The following MAF variants were observed in gnomAD, a reference collection of about 807,000 sequenced individuals.
The protein encoded by MAF is transcription factor Maf.
Under a neutral mutation model 22.0 loss-of-function variants are expected in MAF, and 10 were observed. That is an observed-to-expected ratio of 0.45 (90% CI 0.28 to 0.77). MAF has a LOEUF of 0.77. Among genes scored for constraint, MAF ranks in the 30% least tolerant of loss-of-function variants. MAF has a pLI of 0.12. For missense variants in MAF, 544 were observed against 548.4 expected (o/e 0.99, Z 0.08); for synonymous variants, 337 against 255.8 (o/e 1.32, Z -3.03).
the MAF span, among the ~76,000 whole-genome samples, chr16:79,550,587 G>T: frequency 2.0e-4 from 31 of 152,290 alleles, no homozygotes; most frequent in African/African-American, 7.5e-4. Context: ...GAGAGAAAAT[G>T]AAGTCAAGGG....
At chr16:79,457,421 C>T in the MAF span, among the ~76,000 whole-genome samples, 42 of 142,314 alleles carry the variant, frequency 3.0e-4, 1 homozygote, top group Middle Eastern at 4.0e-3. Context: ...TGATCCCATT[C>T]GGACAATGTT....
At chr16:79,323,905 C>T in the MAF span, among the ~76,000 whole-genome samples, 4 of 152,070 alleles carry the variant, frequency 2.6e-5, no homozygotes, top group Non-Finnish European at 2.9e-5. Context: ...TTGCCTACGG[C>T]GGGGTCAGAG....
At chr16:79,336,913 G>T in the MAF span, among the ~76,000 whole-genome samples, 1 of 152,174 alleles carries the variant, frequency 6.6e-6, no homozygotes, top group East Asian at 1.9e-4. Context: ...AGTGCCTGGG[G>T]TGTACAAGAC....
the MAF span, among the ~76,000 whole-genome samples, chr16:79,538,438 TA>T: frequency 6.6e-6 from 1 of 152,110 alleles, no homozygotes; most frequent in Non-Finnish European, 1.5e-5. Flanking sequence ...ATGTCCGATA[TA>T]AAAACCATAA....
At chr16:79,430,128 C>G in the MAF span, among the ~76,000 whole-genome samples, 1 of 152,202 alleles carries the variant, frequency 6.6e-6, no homozygotes, top group Non-Finnish European at 1.5e-5. Context: ...CGCTTCAGCT[C>G]TCCACTCACT....
rs764041224 is a variant in MAF at position 79,599,160 on chromosome 16, G to A, written c.743C>T (p.Pro248Leu). Residue 248 changes from proline (P) to leucine (L), a missense_variant, in exon 1 of 2, where the codon CCG becomes CTG. Around this residue, in one of 5 missense-constraint regions of MAF, gnomAD observed 342 missense variants for 315.5 expected, o/e 1.08. Transcript: ENST00000326043. The part of the protein sequence containing the change: ...GAAGAGGALH[P>L]HHAAGGLHFD... ...GTGCAGGCCGCCGGCGGCGTGGTGC[G>A]GGTGCAGGGCGCCCCCCGCCCCCGC... 3 of 1,515,930 alleles carry A rather than the reference G, an allele frequency of 2.0e-6. No homozygotes were observed. Among genetic ancestry groups the A allele is most frequent in the African/African-American group, 1.4e-5 (1 of 72,342 alleles). 93.9% of individuals were successfully genotyped at this position (1,515,930 alleles called of 1,614,324 possible). A position where few individuals can be genotyped will look rare whatever the true frequency, so the allele number is the denominator to read the frequency against.
chr16:79,234,989 G>C, the MAF span, among the ~76,000 whole-genome samples: 1 of 151,916 alleles, frequency 6.6e-6, no homozygotes, highest in Non-Finnish European at 1.5e-5. Flanking sequence ...GGAAGACAGA[G>C]ACACATCCAG....
the MAF span, among the ~76,000 whole-genome samples, chr16:79,260,445 C>G: frequency 1.5e-5 from 2 of 136,298 alleles, no homozygotes; most frequent in African/African-American, 2.7e-5. Context: ...AGCCACCATG[C>G]CTGGCTCATG....
the MAF span, among the ~76,000 whole-genome samples, chr16:79,387,214 C>A: frequency 2.0e-5 from 3 of 152,204 alleles, no homozygotes; most frequent in Non-Finnish European, 1.5e-5. Flanking sequence ...TGGTGCCCTC[C>A]ATGAAGGGGG....
chr16:79,528,159 G>T, the MAF span, among the ~76,000 whole-genome samples: 1 of 152,112 alleles, frequency 6.6e-6, no homozygotes, highest in African/African-American at 2.4e-5. Flanking sequence ...AGCATGGAGT[G>T]AATTTAAGGA....
the MAF span, among the ~76,000 whole-genome samples, chr16:79,350,327 T>C: frequency 6.6e-6 from 1 of 152,108 alleles, no homozygotes; most frequent in African/African-American, 2.4e-5. Flanking sequence ...TATAGAACAA[T>C]CCTTGACCTT....
the MAF span, among the ~76,000 whole-genome samples, chr16:79,545,140 T>C: frequency 3.3e-5 from 5 of 152,304 alleles, no homozygotes; most frequent in South Asian, 8.3e-4. Context: ...CTCAGAATCT[T>C]TCCCTCCATG....
At chr16:79,317,718 CCTT>C in the MAF span, among the ~76,000 whole-genome samples, 1 of 152,150 alleles carries the variant, frequency 6.6e-6, no homozygotes, top group African/African-American at 2.4e-5. Flanking sequence ...TCTCAGCTGT[CCTT>C]GCCCCACATT....
At chr16:79,261,663 T>A in the MAF span, among the ~76,000 whole-genome samples, 1 of 152,194 alleles carries the variant, frequency 6.6e-6, no homozygotes, top group Non-Finnish European at 1.5e-5. Context: ...CTGCCCCGCC[T>A]GTCAGGCTGG....
the MAF span, among the ~76,000 whole-genome samples, chr16:79,392,146 G>T: frequency 2.0e-5 from 3 of 149,184 alleles, no homozygotes; most frequent in Admixed American, 2.0e-4. Context: ...TGGGGAGGGG[G>T]AGAGAGAGTG....
chr16:79,354,398 C>A, the MAF span, among the ~76,000 whole-genome samples: 1 of 152,092 alleles, frequency 6.6e-6, no homozygotes, highest in Non-Finnish European at 1.5e-5. Flanking sequence ...AATGTGTCTG[C>A]AATTCACCAT....
the MAF span, among the ~76,000 whole-genome samples, chr16:79,251,875 C>T: frequency 3.3e-5 from 5 of 152,168 alleles, no homozygotes; most frequent in Admixed American, 1.3e-4. Context: ...TAAGAAAAGC[C>T]TTGATATTTA....
the MAF span, chr16:79,204,556 G>A: frequency 5.9e-5 from 9 of 152,192 alleles, no homozygotes; most frequent in African/African-American, 2.2e-4. Context: ...TTGGAACATC[G>A]ATGGCAAGAA....
chr16:79,364,049 A>C, the MAF span, among the ~76,000 whole-genome samples: 339 of 152,262 alleles, frequency 2.2e-3, 1 homozygote, highest in South Asian at 8.9e-3. Flanking sequence ...TTTTCCACCC[A>C]GGAGCTGCTA....
Sources: allele counts gnomAD v4.1 joint callset (sites outside exome capture counted in the v4.1 genomes callset), GRCh38; gene constraint gnomAD v4.1.1; regional missense constraint gnomAD v4.1.1; transcripts MANE v1.5; gene names NCBI Gene and HGNC (gene_info 2026-07-23, HGNC 2026-07-21).